Variants in SAMTOR observed in about 807,000 individuals in gnomAD.
SAMTOR encodes the protein UPF0532 protein C7orf60.
At chr7:112,916,832 C>T in the SAMTOR span, among the ~76,000 whole-genome samples, 141 of 152,276 alleles carry the variant, frequency 9.3e-4, no homozygotes, top group Middle Eastern at 0.014. Flanking sequence ...CACAGAGTCT[C>T]GCTGATTGCT....
At chr7:112,924,065 G>A in the SAMTOR span, among the ~76,000 whole-genome samples, 1 of 143,272 alleles carries the variant, frequency 7.0e-6, no homozygotes, top group Admixed American at 7.1e-5. Flanking sequence ...AGGGGGGAGG[G>A]ATAGCATTAG....
the SAMTOR span, among the ~76,000 whole-genome samples, chr7:112,893,907 T>C: frequency 6.6e-6 from 1 of 152,146 alleles, no homozygotes; most frequent in Non-Finnish European, 1.5e-5. Context: ...GTCTCAAAAA[T>C]AAAATAAAAT....
the SAMTOR span, among the ~76,000 whole-genome samples, chr7:112,883,386 G>A: frequency 6.6e-6 from 1 of 151,994 alleles, no homozygotes; most frequent in Non-Finnish European, 1.5e-5. Flanking sequence ...CATATATCAA[G>A]TATATCTTGA....
the SAMTOR span, among the ~76,000 whole-genome samples, chr7:112,923,948 A>G: frequency 1.1e-4 from 16 of 152,006 alleles, no homozygotes; most frequent in Non-Finnish European, 2.1e-4. Context: ...CAAGAACAAA[A>G]AACCAAACAC....
At chr7:112,906,866 G>A in the SAMTOR span, among the ~76,000 whole-genome samples, 4 of 152,022 alleles carry the variant, frequency 2.6e-5, no homozygotes, top group African/African-American at 7.2e-5. Flanking sequence ...CACCATGCCC[G>A]GCCGACGTAT....
the SAMTOR span, chr7:112,939,531 T>G: frequency 6.2e-7 from 1 of 1,610,642 alleles, no homozygotes; most frequent in Non-Finnish European, 8.5e-7. Context: ...AGGGAAGAGG[T>G]GACAAGCGGT....
At chr7:112,850,986 A>C in the SAMTOR span, among the ~76,000 whole-genome samples, 4 of 152,216 alleles carry the variant, frequency 2.6e-5, no homozygotes, top group Admixed American at 2.6e-4. Context: ...GTTACAAAAT[A>C]TAAAATATCT....
the SAMTOR span, among the ~76,000 whole-genome samples, chr7:112,917,020 G>A: frequency 6.6e-6 from 1 of 152,182 alleles, no homozygotes; most frequent in South Asian, 2.1e-4. Flanking sequence ...CTGGGGGCAG[G>A]GCACAGACAA....
chr7:112,914,988 C>A, the SAMTOR span, among the ~76,000 whole-genome samples: 1 of 152,110 alleles, frequency 6.6e-6, no homozygotes, highest in Non-Finnish European at 1.5e-5. Context: ...CGTCTGTAAT[C>A]CAAGCACTTT....
chr7:112,855,007 A>AT, the SAMTOR span, among the ~76,000 whole-genome samples: 5 of 152,170 alleles, frequency 3.3e-5, no homozygotes, highest in Non-Finnish European at 7.4e-5. Flanking sequence ...CCATATAACA[A>AT]TGACAGCGGC....
At chr7:112,836,848 A>G in the SAMTOR span, among the ~76,000 whole-genome samples, 1 of 151,830 alleles carries the variant, frequency 6.6e-6, no homozygotes, top group African/African-American at 2.4e-5. Flanking sequence ...CTGTAGCCCT[A>G]TAGTATCGTT....
At chr7:112,927,569 T>A in the SAMTOR span, among the ~76,000 whole-genome samples, 4 of 151,920 alleles carry the variant, frequency 2.6e-5, no homozygotes, top group African/African-American at 4.8e-5. Context: ...AAAAAATACA[T>A]GTGTCTTAAA....
chr7:112,892,763 C>T, the SAMTOR span, among the ~76,000 whole-genome samples: 4 of 150,992 alleles, frequency 2.6e-5, no homozygotes, highest in Non-Finnish European at 1.5e-5. Context: ...CAGAATGAGA[C>T]CCATCTCCAA....
the SAMTOR span, among the ~76,000 whole-genome samples, chr7:112,921,187 C>G: frequency 1.3e-5 from 2 of 152,200 alleles, no homozygotes; most frequent in Admixed American, 6.5e-5. Context: ...CGCTACCTGA[C>G]TTCAAACTAT....
chr7:112,922,899 C>CG, the SAMTOR span, among the ~76,000 whole-genome samples: 7 of 143,474 alleles, frequency 4.9e-5, no homozygotes, highest in African/African-American at 1.6e-4. Context: ...GCCCCCCCCC[C>CG]CCGGGCCAGC....
At chr7:112,859,103 C>G in the SAMTOR span, among the ~76,000 whole-genome samples, 1 of 152,138 alleles carries the variant, frequency 6.6e-6, no homozygotes, top group Non-Finnish European at 1.5e-5. Flanking sequence ...GGAAATTCAG[C>G]CTCCAGATTC....
the SAMTOR span, among the ~76,000 whole-genome samples, chr7:112,827,056 T>C: frequency 6.6e-6 from 1 of 152,210 alleles, no homozygotes; most frequent in Non-Finnish European, 1.5e-5. Context: ...TGGAATGTCA[T>C]TTTTATCCCT....
At chr7:112,930,706 T>C in the SAMTOR span, among the ~76,000 whole-genome samples, 1 of 152,212 alleles carries the variant, frequency 6.6e-6, no homozygotes, top group Non-Finnish European at 1.5e-5. Context: ...TTTTACAAGC[T>C]TAGTGTGTTT....
chr7:112,821,092 A>G, the SAMTOR span: 3 of 152,524 alleles, frequency 2.0e-5, no homozygotes, highest in Non-Finnish European at 4.4e-5. Context: ...GATAGGGCTA[A>G]TAAAATTAGA....
Sources: gnomAD v4.1 joint callset for allele counts (sites outside exome capture counted in the v4.1 genomes callset) on GRCh38, gnomAD v4.1.1 for gene constraint, MANE v1.5 for transcripts, NCBI Gene and HGNC (gene_info 2026-07-23, HGNC 2026-07-21) for gene names.